WWC1: variants seen among roughly 807,000 people sequenced by gnomAD.
WWC1 encodes the protein WW and C2 domain containing 1.
WWC1 carries 55 observed loss-of-function variants against 138.4 expected under a neutral mutation model. The ratio of observed to expected loss-of-function variants is 0.40; its 90% CI spans 0.32 to 0.50. The LOEUF is 0.50. Among genes scored for constraint, WWC1 ranks in the 20% least tolerant of loss-of-function variants. The pLI, the probability that WWC1 is intolerant of heterozygous loss-of-function variation, is 0.72. For missense variants in WWC1, 1,226 were observed against 1,420.4 expected, an observed-to-expected ratio of 0.86 and a Z score of 2.20; for synonymous variants, 524 against 564.9, an observed-to-expected ratio of 0.93 and a Z score of 1.03.
intron 1 of WWC1, among the ~76,000 whole-genome samples, chr5:168,303,155 A>G (rs1770248977): frequency 6.6e-6 from 1 of 152,196 alleles, no homozygotes; most frequent in Non-Finnish European, 1.5e-5. Context: ...TCCCTATGCT[A>G]AGAGGGCTAA....
chr5:168,395,836 A>G (rs533912093), intron 3 of WWC1, among the ~76,000 whole-genome samples: 2 of 152,312 alleles, frequency 1.3e-5, no homozygotes, highest in African/African-American at 2.4e-5. Context: ...GTGGTGCCAA[A>G]TATCTTTTAT....
intron 8 of WWC1, among the ~76,000 whole-genome samples, chr5:168,412,346 G>A (rs1236370132): frequency 6.6e-6 from 1 of 152,212 alleles, no homozygotes; most frequent in African/African-American, 2.4e-5. Flanking sequence ...GTAATCCAAG[G>A]AGGGTCTGAT....
At position 168,324,353 on chromosome 5, in the gene WWC1, A is replaced by C. The variant is rs911959628; in HGVS notation, c.119+32082A>C. ...GAGGCCGAGGCAGGAGAATCGCTTG[A>C]ACCTAGGAGGCAGAGGTTGCAGTGA... On this transcript the variant is annotated intron_variant, in intron 1 of 22. Transcript: ENST00000265293. Among the ~76,000 whole-genome samples the C allele has an allele frequency of 8.5e-5, 13 of 152,246 alleles. No individual in the cohort carries two copies. The South Asian group carries it at 1.5e-3, about 17-fold the overall frequency.
At chr5:168,317,488 G>A (rs1364550784) in intron 1 of WWC1, among the ~76,000 whole-genome samples, 1 of 152,072 alleles carries the variant, frequency 6.6e-6, no homozygotes, top group Non-Finnish European at 1.5e-5. Context: ...GGATGGTAGT[G>A]GGGTGCAGAG....
chr5:168,386,296 C>T (rs530702225), intron 3 of WWC1, among the ~76,000 whole-genome samples: 1 of 151,670 alleles, frequency 6.6e-6, no homozygotes, highest in African/African-American at 2.4e-5. Context: ...TCCACCAGAC[C>T]ATAAAGTTGG....
intron 1 of WWC1, among the ~76,000 whole-genome samples, chr5:168,320,721 A>C (rs1186928052): frequency 1.3e-5 from 2 of 152,106 alleles, no homozygotes; most frequent in African/African-American, 4.8e-5. Context: ...AGTAGAGCAA[A>C]GGCCTTGGGA....
intron 16 of WWC1, among the ~76,000 whole-genome samples, chr5:168,443,070 C>T (rs1176629533): frequency 1.0e-5 from 1 of 99,242 alleles, no homozygotes; most frequent in Non-Finnish European, 2.0e-5. Context: ...ATCCCGACCA[C>T]ATCAAAAAAG....
chr5:168,336,711 A>G, intron 1 of WWC1, among the ~76,000 whole-genome samples: 1 of 152,140 alleles, frequency 6.6e-6, no homozygotes, highest in East Asian at 1.9e-4. Context: ...AGAAAGACGA[A>G]ATTCGTCATT....
At chr5:168,367,513 AG>A (rs1314306209) in intron 1 of WWC1, among the ~76,000 whole-genome samples, 1 of 118,948 alleles carries the variant, frequency 8.4e-6, no homozygotes, top group Non-Finnish European at 1.8e-5. Context: ...TTGTATTTTT[AG>A]TAGAGAAGGG....
At chr5:168,355,381 CTA>C (rs1582015690) in intron 1 of WWC1, among the ~76,000 whole-genome samples, 2 of 151,086 alleles carry the variant, frequency 1.3e-5, no homozygotes, top group East Asian at 3.9e-4. Flanking sequence ...GGAATCCCAG[CTA>C]CTCAGAAGGC....
At chr5:168,339,524 G>A (rs1016517666) in intron 1 of WWC1, among the ~76,000 whole-genome samples, 5 of 152,172 alleles carry the variant, frequency 3.3e-5, no homozygotes, top group African/African-American at 1.2e-4. Flanking sequence ...GGCTTTCCCT[G>A]GTTCTGCCGT....
intron 1 of WWC1, among the ~76,000 whole-genome samples, chr5:168,301,955 A>G (rs1336387708): frequency 6.6e-6 from 1 of 152,154 alleles, no homozygotes; most frequent in African/African-American, 2.4e-5. Context: ...AGCACTCATT[A>G]TATGAATCAG....
rs140407598 is a variant in WWC1, at chr5:168,376,873, T to C, written c.229+5340T>C. Among the ~76,000 whole-genome samples, 762 of 152,340 alleles carry C rather than the reference T, an allele frequency of 5.0e-3. 11 individuals carry two copies. Among genetic ancestry groups the C allele is most frequent in the African/African-American group, 0.017 (723 of 41,580 alleles). ...CATACTGCATAAAGCAATCTGCAGA[T>C]TGAGTGCTATTCATATCAAACTACC... On this transcript the variant is annotated intron_variant, in intron 2 of 22. Coordinates refer to ENST00000265293, the MANE Select transcript of WWC1 (RefSeq NM_015238.3).
chr5:168,348,840 G>T lies in WWC1; in HGVS notation c.120-22584G>T, dbSNP rs147521805. 2.1e-4 allele frequency among the ~76,000 whole-genome samples: 32 copies of T among 152,210 alleles called. No individual in the cohort carries two copies. The East Asian group carries it at 6.2e-3, about 29-fold the overall frequency. ...CTGGGATCTTTGCTTGAGGGTGTGA[G>T]AAGAAAGGGGTTTCCCTTCTGATGG... On this transcript the variant is annotated intron_variant, in intron 1 of 22. Transcript: ENST00000265293.
At chr5:168,433,073 C>T (rs551930954) in intron 15 of WWC1, among the ~76,000 whole-genome samples, 153 of 152,374 alleles carry the variant, frequency 1.0e-3, no homozygotes, top group Middle Eastern at 3.4e-3. Context: ...CTGTCACCAG[C>T]CTTGCCCTTC....
intron 1 of WWC1, among the ~76,000 whole-genome samples, chr5:168,337,458 AG>A (rs1191307970): frequency 1.3e-5 from 2 of 152,148 alleles, no homozygotes; most frequent in Non-Finnish European, 2.9e-5. Context: ...CTAAATGGCT[AG>A]GGGCCAGGGA....
chr5:168,392,598 C>T (rs1778587628), intron 3 of WWC1, among the ~76,000 whole-genome samples: 2 of 152,164 alleles, frequency 1.3e-5, no homozygotes, highest in Admixed American at 6.5e-5. Context: ...TAGGCTGAGG[C>T]AGGAGGATTC....
At chr5:168,451,032 T>C (rs550079234) in intron 17 of WWC1, among the ~76,000 whole-genome samples, 1 of 152,308 alleles carries the variant, frequency 6.6e-6, no homozygotes, top group South Asian at 2.1e-4. Context: ...TTATTTATTT[T>C]GAGACAGAGT....
At chr5:168,387,111 T>C (rs1778103221) in intron 3 of WWC1, among the ~76,000 whole-genome samples, 1 of 152,222 alleles carries the variant, frequency 6.6e-6, no homozygotes, top group Non-Finnish European at 1.5e-5. Context: ...AAACTGAGGC[T>C]TAGGATCAAC....
Sources: gnomAD v4.1 joint callset for allele counts (sites outside exome capture counted in the v4.1 genomes callset) on GRCh38, gnomAD v4.1.1 for gene constraint, MANE v1.5 for transcripts, NCBI Gene and HGNC (gene_info 2026-07-23, HGNC 2026-07-21) for gene names.